The following SMIM31 variants were observed in gnomAD, a reference collection of about 807,000 sequenced individuals.
The protein encoded by SMIM31 is human epithelial cell program regulator.
intron 1 of SMIM31, among the ~76,000 whole-genome samples, chr4:164,757,263 A>G (rs899120037): frequency 2.0e-5 from 3 of 151,960 alleles, no homozygotes; most frequent in Non-Finnish European, 4.4e-5. Flanking sequence ...TAAAACTTGG[A>G]TTGTCTTTTT....
At chr4:164,788,281 A>G (rs1733052471) in intron 2 of SMIM31, among the ~76,000 whole-genome samples, 1 of 151,990 alleles carries the variant, frequency 6.6e-6, no homozygotes, top group African/African-American at 2.4e-5. Flanking sequence ...AACACTATTT[A>G]CAGGGATATA....
chr4:164,768,602 T>C (rs1392034930), intron 1 of SMIM31, among the ~76,000 whole-genome samples: 1 of 152,090 alleles, frequency 6.6e-6, no homozygotes, highest in African/African-American at 2.4e-5. Context: ...AACTGGAGAA[T>C]AGGAGAAACC....
intron 2 of SMIM31, among the ~76,000 whole-genome samples, chr4:164,800,884 A>G (rs1394246903): frequency 6.6e-6 from 1 of 152,124 alleles, no homozygotes; most frequent in Non-Finnish European, 1.5e-5. Flanking sequence ...ATTACCTAGG[A>G]AGAAACGAGT....
chr4:164,779,368 A>G (rs1440486299), intron 2 of SMIM31, among the ~76,000 whole-genome samples: 1 of 152,214 alleles, frequency 6.6e-6, no homozygotes, highest in Non-Finnish European at 1.5e-5. Flanking sequence ...AAAAAATGCC[A>G]AAATGTCTGG....
At chr4:164,792,502 A>C (rs1224829936) in intron 2 of SMIM31, among the ~76,000 whole-genome samples, 1 of 152,198 alleles carries the variant, frequency 6.6e-6, no homozygotes, top group Non-Finnish European at 1.5e-5. Context: ...GAACATGAAG[A>C]TGCAGTCTAT....
At chr4:164,768,191 A>T (rs967791209) in intron 1 of SMIM31, among the ~76,000 whole-genome samples, 9 of 151,412 alleles carry the variant, frequency 5.9e-5, no homozygotes, top group African/African-American at 2.2e-4. Context: ...AACTGTTATC[A>T]TGCCATTGCT....
intron 1 of SMIM31, among the ~76,000 whole-genome samples, chr4:164,761,046 G>T (rs1579060029): frequency 6.6e-6 from 1 of 152,226 alleles, no homozygotes; most frequent in Middle Eastern, 3.4e-3. Flanking sequence ...AAAGCCAATT[G>T]CCCATCTATG....
At chr4:164,780,454 C>T (rs1352074386) in intron 2 of SMIM31, among the ~76,000 whole-genome samples, 1 of 152,140 alleles carries the variant, frequency 6.6e-6, no homozygotes. Context: ...CGAATAGCTT[C>T]TTCTCTTTTT....
At position 164,773,473 on chromosome 4, in the gene SMIM31, C is replaced by T. The variant is rs112681314; in HGVS notation, c.112+2918C>T. Among the ~76,000 whole-genome samples the T allele has an allele frequency of 1.6e-3, 243 of 152,254 alleles. 1 individual carries two copies. Among genetic ancestry groups the T allele is most frequent in the African/African-American group, 5.3e-3 (222 of 41,536 alleles). On this transcript the variant is annotated intron_variant, in intron 2 of 2. Coordinates refer to ENST00000507311, the MANE Select transcript of SMIM31 (RefSeq NM_001352885.1). Reference sequence around the variant, plus strand: ...CAATCGTGGTGGAAGGGGAAGCAAACATGTCCTTCTTCATTTAGTGGCCAG... The same window carrying T: ...CAATCGTGGTGGAAGGGGAAGCAAATATGTCCTTCTTCATTTAGTGGCCAG...
At chr4:164,757,433 T>G (rs908670672) in intron 1 of SMIM31, among the ~76,000 whole-genome samples, 1 of 152,192 alleles carries the variant, frequency 6.6e-6, no homozygotes, top group Non-Finnish European at 1.5e-5. Flanking sequence ...AAAAGTCTAA[T>G]TACAAATTTT....
chr4:164,767,104 G>A (rs1190556253), intron 1 of SMIM31, among the ~76,000 whole-genome samples: 1 of 152,140 alleles, frequency 6.6e-6, no homozygotes, highest in East Asian at 1.9e-4. Context: ...GGAAGAACTG[G>A]GAGTTTGAAT....
intron 2 of SMIM31, among the ~76,000 whole-genome samples, chr4:164,772,580 A>AT (rs1732820310): frequency 1.4e-5 from 1 of 73,876 alleles, no homozygotes; most frequent in African/African-American, 3.9e-5. Flanking sequence ...TTTTATTTTT[A>AT]TTTTATTTTT....
intron 1 of SMIM31, among the ~76,000 whole-genome samples, chr4:164,761,940 A>AATAAATAG (rs1732656049): frequency 6.6e-6 from 1 of 151,434 alleles, no homozygotes; most frequent in Non-Finnish European, 1.5e-5. Flanking sequence ...TAAATAAATA[A>AATAAATAG]ATAAATAAAT....
intron 2 of SMIM31, among the ~76,000 whole-genome samples, chr4:164,779,055 T>A (rs189799549): frequency 6.6e-6 from 1 of 152,058 alleles, no homozygotes; most frequent in African/African-American, 2.4e-5. Flanking sequence ...TTTCTTTAAC[T>A]ACCTTAAAGT....
chr4:164,787,052 A>G (rs4453898), intron 2 of SMIM31, among the ~76,000 whole-genome samples: 93,152 of 151,998 alleles, frequency 0.61, 29,637 homozygotes, highest in African/African-American at 0.79. Flanking sequence ...CAACTTAAGG[A>G]AGAGAAGTGA....
intron 2 of SMIM31, among the ~76,000 whole-genome samples, chr4:164,771,200 T>G (rs1560826031): frequency 1.3e-5 from 2 of 152,176 alleles, no homozygotes; most frequent in Admixed American, 6.5e-5. Flanking sequence ...CTATCATAAC[T>G]AGGAAACAAA....
chr4:164,765,270 T>C (rs1732705112), intron 1 of SMIM31, among the ~76,000 whole-genome samples: 1 of 152,178 alleles, frequency 6.6e-6, no homozygotes, highest in Non-Finnish European at 1.5e-5. Flanking sequence ...AGGAACAGCA[T>C]TGACAGGAGC....
intron 2 of SMIM31, among the ~76,000 whole-genome samples, chr4:164,788,478 C>CTTTTTGTTTTTTTTTTTTTT (rs1733056135): frequency 1.7e-5 from 1 of 58,162 alleles, no homozygotes; most frequent in Non-Finnish European, 3.2e-5. Context: ...TCTAATTTTT[C>CTTTTTGTTTTTTTTTTTTTT]TTTTTTTTTT....
chr4:164,780,805 C>G (rs779080112), intron 2 of SMIM31, among the ~76,000 whole-genome samples: 2 of 152,096 alleles, frequency 1.3e-5, no homozygotes, highest in Non-Finnish European at 2.9e-5. Context: ...ATATATACTA[C>G]TTTTTTTAAT....
Sources: allele counts gnomAD v4.1 joint callset (sites outside exome capture counted in the v4.1 genomes callset), GRCh38; gene constraint gnomAD v4.1.1; transcripts MANE v1.5; gene names NCBI Gene and HGNC (gene_info 2026-07-23, HGNC 2026-07-21).